SPTA1: variants seen among roughly 807,000 people sequenced by gnomAD.
SPTA1 encodes the protein spectrin alpha, erythrocytic 1.
In SPTA1, 177 loss-of-function variants were observed where a neutral mutation model predicts 324.7. The observed-to-expected ratio is 0.55, with a 90% CI of 0.48 to 0.62. The LOEUF (loss-of-function observed/expected upper bound fraction) is 0.62. Among genes scored for constraint, SPTA1 ranks in the 20% least tolerant of loss-of-function variants. The pLI is 0.00. For synonymous variants in SPTA1, 1,195 were observed against 1,041.3 expected (o/e 1.15, Z -2.84); for missense variants, 3,162 against 2,883.6 (o/e 1.10, Z -2.21).
At position 158,656,666 on chromosome 1, in the gene SPTA1, T is replaced by A; in HGVS notation, c.2806-10A>T. 1 of 1,606,684 alleles carries A rather than the reference T, an allele frequency of 6.2e-7. No individual in the cohort carries two copies. Among genetic ancestry groups the A allele is most frequent in the Non-Finnish European group, 8.5e-7 (1 of 1,173,856 alleles). On this transcript the variant is annotated splice_polypyrimidine_tract_variant and intron_variant, in intron 19 of 51. Coordinates refer to ENST00000643759, the MANE Select transcript of SPTA1 (RefSeq NM_003126.4). ...GCTTCTTTAGAAGAGCCTGCATTTA[T>A]TGATGGAAGATCATCAGAATGAATA... is the stretch of plus-strand genomic sequence containing the variant.
rs1358273987 is a variant in SPTA1 at position 158,667,946 on chromosome 1, A to T, written c.1950T>A (p.Gly650=). ...TCACATTGTCAGAGGCATAGTGACC[A>T]CCCTCAATCATCTCTTGGCCAGTTT... is the stretch of plus-strand genomic sequence containing the variant. ...IQKTGQEMIE[G]GHYASDNVTT... Residue 650 remains glycine (G), a synonymous_variant, in exon 15 of 52, where the codon GGT becomes GGA. Transcript: ENST00000643759. 6.2e-7 allele frequency: 1 copy of T among 1,613,826 alleles called. No homozygotes were observed.
At chr1:158,678,297 T>G (rs1654540108) in intron 6 of SPTA1, 104 bp downstream of exon 6, 15 of 1,492,010 alleles carry the variant, frequency 1.0e-5, no homozygotes, top group Non-Finnish European at 1.4e-5. Context: ...TTGTTTGAAG[T>G]GTTGACCATT....
At chr1:158,653,476 A>G in intron 21 of SPTA1, 51 bp from the exon 22 acceptor site, 3 of 1,610,318 alleles carry the variant, frequency 1.9e-6, no homozygotes, top group Non-Finnish European at 2.5e-6. Flanking sequence ...GAAAAGCAAC[A>G]AACGGGAGAG....
Position 158,634,807 on chromosome 1 carries a change from C to T in SPTA1, c.5433-132G>A, listed in dbSNP as rs1650943500. 2 of 1,018,020 alleles carry T rather than the reference C, an allele frequency of 2.0e-6. No individual in the cohort carries two copies. Among genetic ancestry groups the T allele is most frequent in the Non-Finnish European group, 3.0e-6 (2 of 668,670 alleles). The allele number at this position is 1,018,020 out of a possible 1,614,324, so 63.1% of individuals were successfully genotyped here. On this transcript the variant is annotated intron_variant, in intron 38 of 51. Transcript: ENST00000643759. Reference sequence around the variant, plus strand: ...AGGCAGCCACAGTTGAAGTGGGCCTCAACACAGTATAATAGGTGCCTACTG... The same window carrying T: ...AGGCAGCCACAGTTGAAGTGGGCCTTAACACAGTATAATAGGTGCCTACTG...
rs893238995 is a variant in SPTA1 at position 158,669,298 on chromosome 1, A to G, written c.1833+110T>C. The G allele has an allele frequency of 7.6e-6, 11 of 1,447,446 alleles. No homozygotes were observed. In the Admixed American group the frequency reaches 8.4e-5, roughly 11 times the overall value. 89.7% of individuals were successfully genotyped at this position (1,447,446 alleles called of 1,614,324 possible). A position where few individuals can be genotyped will look rare whatever the true frequency, so the allele number is the denominator to read the frequency against. ...TTTCTGAGCCTCTGTTTTGTCATCT[A>G]TAAAATGAGGATCACCAGCTGAACG... On this transcript the variant is annotated intron_variant, in intron 14 of 51. Coordinates refer to ENST00000643759, the MANE Select transcript of SPTA1 (RefSeq NM_003126.4).
At position 158,610,928 on chromosome 1, in the gene SPTA1, T is replaced by C. The variant is rs1339565856; in HGVS notation, c.*336A>G. 4.4e-6 allele frequency: 1 copy of C among 225,018 alleles called. No individual in the cohort carries two copies. The highest frequency in any genetic ancestry group is 5.2e-5 in the Admixed American group (1 of 19,156). The allele number at this position is 225,018 out of a possible 1,614,324, so 13.9% of individuals were successfully genotyped here. A position where few individuals can be genotyped will look rare whatever the true frequency, so the allele number is the denominator to read the frequency against. ...CCCAAAAAATATTTTTAAAAAGAAT[T>C]ACTTTATTCTATAATCGGAATAAAG... is the stretch of plus-strand genomic sequence containing the variant. On this transcript the variant is annotated 3_prime_UTR_variant, in exon 52 of 52. Coordinates refer to ENST00000643759, the MANE Select transcript of SPTA1 (RefSeq NM_003126.4).
At chr1:158,613,427 C>T (rs1427095096) in intron 50 of SPTA1, among the ~76,000 whole-genome samples, 5 of 152,092 alleles carry the variant, frequency 3.3e-5, no homozygotes, top group Admixed American at 1.3e-4. Context: ...ATCTCACATA[C>T]ATGAAGGGAT....
chr1:158,640,326 G>A (rs1160246207), intron 33 of SPTA1, among the ~76,000 whole-genome samples: 1 of 152,094 alleles, frequency 6.6e-6, no homozygotes, highest in Non-Finnish European at 1.5e-5. Flanking sequence ...CTTTCTTAGT[G>A]TTCCAGGTAC....
intron 45 of SPTA1, among the ~76,000 whole-genome samples, chr1:158,618,555 A>T (rs150318757): frequency 1.3e-5 from 2 of 152,208 alleles, no homozygotes; most frequent in Non-Finnish European, 2.9e-5. Context: ...AATATATTAC[A>T]TCTTCTAAGT....
At chr1:158,643,281 A>AT in intron 31 of SPTA1, 41 bp downstream of exon 31, 1 of 1,608,590 alleles carries the variant, frequency 6.2e-7, no homozygotes, top group Non-Finnish European at 8.5e-7. Flanking sequence ...TCAGTTTGCT[A>AT]TATCTTCCTT....
intron 45 of SPTA1, 118 bp from the exon 46 acceptor site, chr1:158,618,174 T>A: frequency 8.7e-7 from 1 of 1,151,832 alleles, no homozygotes; most frequent in Non-Finnish European, 1.3e-6. Flanking sequence ...AATCTTTTGT[T>A]GCCACAAAAC....
At chr1:158,683,344 A>G in intron 3 of SPTA1, 27 bp downstream of exon 3, 1 of 1,612,728 alleles carries the variant, frequency 6.2e-7, no homozygotes, top group Non-Finnish European at 8.5e-7. Context: ...AATAATTGGA[A>G]ACTTCTTCAA....
intron 33 of SPTA1, among the ~76,000 whole-genome samples, chr1:158,641,715 C>A (rs1651591766): frequency 6.6e-6 from 1 of 152,182 alleles, no homozygotes; most frequent in South Asian, 2.1e-4. Context: ...GCTGGTGGGA[C>A]TGTAAACTGG....
chr1:158,665,514 G>T (rs1239564702), intron 16 of SPTA1, among the ~76,000 whole-genome samples: 1 of 152,140 alleles, frequency 6.6e-6, no homozygotes, highest in East Asian at 1.9e-4. Context: ...ATGAGAAATT[G>T]AATGGGCTGG....
intron 17 of SPTA1, 37 bp from the exon 18 acceptor site, chr1:158,661,446 C>A: frequency 6.2e-7 from 1 of 1,613,318 alleles, no homozygotes; most frequent in East Asian, 2.2e-5. Context: ...TCGGATTATC[C>A]TGGTGTATGG....
At chr1:158,667,627 T>TAA (rs1219936135) in intron 15 of SPTA1, among the ~76,000 whole-genome samples, 3 of 152,176 alleles carry the variant, frequency 2.0e-5, no homozygotes, top group African/African-American at 7.2e-5. Flanking sequence ...CTAAAAAATT[T>TAA]TTTTTTAAAA....
intron 5 of SPTA1, among the ~76,000 whole-genome samples, chr1:158,679,803 C>A (rs1654667585): frequency 6.6e-6 from 1 of 152,032 alleles, no homozygotes; most frequent in African/African-American, 2.4e-5. Flanking sequence ...ACTTCCACAG[C>A]AAGAGAAAAG....
intron 29 of SPTA1, 91 bp downstream of exon 29, chr1:158,645,097 G>T: frequency 1.5e-6 from 2 of 1,353,752 alleles, no homozygotes; most frequent in Non-Finnish European, 2.1e-6. Context: ...AACGTGGAAA[G>T]TCTAGTGAAC....
intron 49 of SPTA1, among the ~76,000 whole-genome samples, 176 bp downstream of exon 49, chr1:158,614,077 A>C (rs1282607150): frequency 2.6e-5 from 4 of 152,284 alleles, no homozygotes; most frequent in African/African-American, 9.6e-5. Context: ...GAATGAAGAA[A>C]TGTATTTTTT....
Sources: allele counts gnomAD v4.1 joint callset (sites outside exome capture counted in the v4.1 genomes callset), GRCh38; gene constraint gnomAD v4.1.1; transcripts MANE v1.5; gene names NCBI Gene and HGNC (gene_info 2026-07-23, HGNC 2026-07-21).